Variants in PAPSS2 observed in about 807,000 individuals in gnomAD.
PAPSS2 encodes the protein 3'-phosphoadenosine 5'-phosphosulfate synthase 2.
In PAPSS2, 61 loss-of-function variants were observed where a neutral mutation model predicts 66.5. The ratio of observed to expected loss-of-function variants is 0.92; its 90% CI spans 0.75 to 1.14. The LOEUF is 1.14. Among genes scored for constraint, PAPSS2 ranks in the 50% most tolerant of loss-of-function variants. The pLI is 0.00. For synonymous variants in PAPSS2, 289 were observed against 287.5 expected (o/e 1.01, Z -0.05); for missense variants, 708 against 789.6 (o/e 0.90, Z 1.24).
At chr10:87,721,645 T>A (rs1853600058) in intron 7 of PAPSS2, 111 bp from the exon 8 acceptor site, 3 of 708,802 alleles carry the variant, frequency 4.2e-6, no homozygotes, top group Non-Finnish European at 7.5e-6. Context: ...TATATTTGTA[T>A]GTTGTATATG....
chr10:87,713,479 T>A (rs1372046342), intron 3 of PAPSS2, among the ~76,000 whole-genome samples, 169 bp downstream of exon 3: 1 of 152,104 alleles, frequency 6.6e-6, no homozygotes, highest in East Asian at 1.9e-4. Flanking sequence ...TTCCTCTATT[T>A]AATATTGGTT....
chr10:87,745,531 T>A (rs1204320016), intron 12 of PAPSS2, among the ~76,000 whole-genome samples: 1 of 152,142 alleles, frequency 6.6e-6, no homozygotes, highest in Non-Finnish European at 1.5e-5. Context: ...CAATGAATAT[T>A]TATGGTGCAC....
intron 2 of PAPSS2, among the ~76,000 whole-genome samples, chr10:87,711,684 GCAT>G (rs1174510916): frequency 6.6e-6 from 1 of 152,094 alleles, no homozygotes; most frequent in Non-Finnish European, 1.5e-5. Context: ...AAAGCCAAAG[GCAT>G]GACTTTAAAA....
chr10:87,705,663 T>C (rs1199828937), intron 1 of PAPSS2, among the ~76,000 whole-genome samples: 1 of 152,194 alleles, frequency 6.6e-6, no homozygotes, highest in Non-Finnish European at 1.5e-5. Flanking sequence ...ACTGGCCTTG[T>C]GTATGTCTTC....
chr10:87,734,185 C>T (rs534104277), intron 9 of PAPSS2, among the ~76,000 whole-genome samples: 2 of 152,164 alleles, frequency 1.3e-5, no homozygotes, highest in African/African-American at 4.8e-5. Flanking sequence ...CACACTCCCT[C>T]GTCCAGTCCT....
chr10:87,724,851 T>TATACACACACACACACACACACAC (rs148663822), intron 8 of PAPSS2, among the ~76,000 whole-genome samples: 2 of 138,282 alleles, frequency 1.4e-5, no homozygotes, highest in African/African-American at 5.6e-5. Context: ...TCTCTGTCTA[T>TATACACACACACACACACACACAC]ACACACACAC....
intron 9 of PAPSS2, among the ~76,000 whole-genome samples, chr10:87,738,259 G>GT (rs1177462172): frequency 1.3e-5 from 2 of 152,176 alleles, no homozygotes; most frequent in Admixed American, 1.3e-4. Context: ...GGATCATATG[G>GT]TAGTTCCATT....
intron 9 of PAPSS2, among the ~76,000 whole-genome samples, chr10:87,730,916 A>ATGCAGCAAGTGCTGATGTAGGAGC (rs1853720008): frequency 3.3e-5 from 5 of 152,264 alleles, no homozygotes; most frequent in Non-Finnish European, 1.5e-5. Context: ...GTACAAGGTG[A>ATGCAGCAAGTGCTGATGTAGGAGC]TGCAGCAAGT....
chr10:87,694,046 C>T (rs975110619), intron 1 of PAPSS2, among the ~76,000 whole-genome samples: 9 of 152,336 alleles, frequency 5.9e-5, no homozygotes, highest in Non-Finnish European at 1.0e-4. Context: ...TTCTGTTACT[C>T]ATTCAACAAA....
intron 9 of PAPSS2, among the ~76,000 whole-genome samples, chr10:87,738,863 T>A (rs1360879895): frequency 6.6e-6 from 1 of 152,258 alleles, no homozygotes; most frequent in Non-Finnish European, 1.5e-5. Flanking sequence ...CTTTGCCTAT[T>A]TCTTAATTGG....
chr10:87,727,444 T>C lies in PAPSS2; in HGVS notation c.1041T>C (p.Cys347=), dbSNP rs867033588. ...EFYEHRKEER[C]SRVWGTTCTK... Reference sequence around the variant, plus strand: ...ATGAACACAGAAAAGAGGAACGCTGTTCCCGTGTTTGGGGGACAACATGTA... The same window carrying C: ...ATGAACACAGAAAAGAGGAACGCTGCTCCCGTGTTTGGGGGACAACATGTA... Residue 347 remains cysteine, a synonymous_variant, in exon 9 of 13, where the codon TGT becomes TGC. Transcript: ENST00000456849. The C allele has an allele frequency of 1.9e-6, 3 of 1,614,058 alleles. No individual in the cohort carries two copies. In the Middle Eastern group the frequency reaches 5.0e-4, roughly 266 times the overall value.
chr10:87,687,356 G>C (rs764676328), intron 1 of PAPSS2, among the ~76,000 whole-genome samples: 2 of 152,202 alleles, frequency 1.3e-5, no homozygotes, highest in Non-Finnish European at 2.9e-5. Context: ...AAAAGTTATT[G>C]TGGCTAATAC....
Position 87,743,538 on chromosome 10 carries a change from G to T in PAPSS2, c.1388G>T (p.Arg463Leu). Reference protein sequence around the residue: ...TKDDDVPLDWRMKQHAAVLEE... With the variant: ...TKDDDVPLDWLMKQHAAVLEE... ...GATGACGATGTGCCTCTAGACTGGC[G>T]GATGAAGCAGCACGCGGCTGTGCTC... The change falls in exon 11 of 13, where the codon CGG (arginine) becomes CTG (leucine). Residue 463 changes from arginine to leucine, a missense_variant. Physicochemically the swap from Arg to Leu is moderately radical, Grantham distance 102. Transcript: ENST00000456849. The T allele has an allele frequency of 6.2e-7, 1 of 1,614,118 alleles. No homozygotes were observed. The highest frequency in any genetic ancestry group is 8.5e-7 in the Non-Finnish European group (1 of 1,180,020).
intron 11 of PAPSS2, 52 bp from the exon 12 acceptor site, chr10:87,744,950 C>A: frequency 6.7e-7 from 1 of 1,481,618 alleles, no homozygotes. Context: ...TAAACCATGA[C>A]CTACAGATTT....
At chr10:87,672,967 G>C (rs1852897837) in intron 1 of PAPSS2, among the ~76,000 whole-genome samples, 1 of 152,202 alleles carries the variant, frequency 6.6e-6, no homozygotes, top group East Asian at 1.9e-4. Flanking sequence ...ACACATTGTG[G>C]CTTCTTTTAC....
chr10:87,675,625 G>A (rs746134556), intron 1 of PAPSS2, among the ~76,000 whole-genome samples: 11 of 152,180 alleles, frequency 7.2e-5, no homozygotes, highest in Non-Finnish European at 1.3e-4. Flanking sequence ...ATGCTTCCCT[G>A]TGTTCCATTC....
chr10:87,714,745 G>T lies in PAPSS2; in HGVS notation c.521G>T (p.Gly174Val). Residue 174 changes from glycine to valine, a missense_variant and splice_region_variant, in exon 5 of 13, where the codon GGA becomes GTA. By Grantham distance (109) the Gly-to-Val change is moderately radical. Coordinates refer to ENST00000456849, the MANE Select transcript of PAPSS2 (RefSeq NM_001015880.2). ...YKRARAGEIK[G>V]FTGIDSDYEK... Reference sequence around the variant, plus strand: ...TGATTGTCACCCATATGCTTTGCAGGATTTACAGGTATTGATTCTGATTAT... The same window carrying T: ...TGATTGTCACCCATATGCTTTGCAGTATTTACAGGTATTGATTCTGATTAT... 2 of 1,563,470 alleles carry T rather than the reference G, an allele frequency of 1.3e-6. No homozygotes were observed. Among genetic ancestry groups the T allele is most frequent in the South Asian group, 2.2e-5 (2 of 89,936 alleles).
intron 9 of PAPSS2, among the ~76,000 whole-genome samples, chr10:87,735,362 A>G (rs993348019): frequency 2.6e-5 from 4 of 152,150 alleles, no homozygotes; most frequent in African/African-American, 7.2e-5. Flanking sequence ...TTTAGGCTGG[A>G]TGGTGGATGA....
chr10:87,741,699 G>A (rs1853872469), intron 10 of PAPSS2, among the ~76,000 whole-genome samples: 2 of 151,262 alleles, frequency 1.3e-5, no homozygotes, highest in Non-Finnish European at 3.0e-5. Flanking sequence ...CCGGCCCCTA[G>A]TACATTTATT....
Sources: gnomAD v4.1 joint callset for allele counts (sites outside exome capture counted in the v4.1 genomes callset) on GRCh38, gnomAD v4.1.1 for gene constraint, MANE v1.5 for transcripts, NCBI Gene and HGNC (gene_info 2026-07-23, HGNC 2026-07-21) for gene names.